ROR1: variants seen among roughly 807,000 people sequenced by gnomAD.
ROR1 encodes the protein inactive tyrosine-protein kinase transmembrane receptor ROR1.
A neutral mutation model predicts 78.8 loss-of-function variants in ROR1; 19 were observed. The ratio of observed to expected loss-of-function variants is 0.24; its 90% confidence interval spans 0.17 to 0.35. The LOEUF (loss-of-function observed/expected upper bound fraction) is 0.35, where lower values mean the gene tolerates loss of function less well. Among genes scored for constraint, ROR1 ranks in the 10% least tolerant of loss-of-function variants. ROR1 has a pLI of 1.00. For missense variants in ROR1, 917 were observed against 1,177.8 expected (o/e 0.78, Z 3.24); for synonymous variants, 386 against 433.6 (o/e 0.89, Z 1.36).
chr1:64,052,185 CTT>C (rs538059021), intron 4 of ROR1, among the ~76,000 whole-genome samples: 12 of 121,574 alleles, frequency 9.9e-5, no homozygotes, highest in South Asian at 2.7e-4. Flanking sequence ...TGCTAATCTG[CTT>C]TTTTTTTTTT....
chr1:63,812,806 G>A (rs551156013), intron 1 of ROR1, among the ~76,000 whole-genome samples: 3 of 152,180 alleles, frequency 2.0e-5, no homozygotes, highest in Admixed American at 6.5e-5. Flanking sequence ...AGTCCTCACC[G>A]CCACCCACTG....
intron 2 of ROR1, among the ~76,000 whole-genome samples, chr1:64,045,725 G>C (rs1646778303): frequency 1.3e-5 from 2 of 152,024 alleles, no homozygotes; most frequent in Non-Finnish European, 2.9e-5. Context: ...TTAGGTGTTA[G>C]GTATTACCAC....
chr1:64,138,512 A>G (rs898708448), intron 5 of ROR1, among the ~76,000 whole-genome samples: 1 of 151,792 alleles, frequency 6.6e-6, no homozygotes, highest in African/African-American at 2.4e-5. Flanking sequence ...ATGTGAAGGA[A>G]CTGAGAGGAG....
intron 1 of ROR1, among the ~76,000 whole-genome samples, chr1:63,814,882 G>C (rs1644880909): frequency 6.6e-6 from 1 of 152,204 alleles, no homozygotes; most frequent in Non-Finnish European, 1.5e-5. Flanking sequence ...TAAGGGACCA[G>C]GACAGTGGCC....
chr1:63,790,558 T>C (rs180869255), intron 1 of ROR1, among the ~76,000 whole-genome samples: 5 of 152,316 alleles, frequency 3.3e-5, no homozygotes, highest in African/African-American at 7.2e-5. Flanking sequence ...CTGCTCTTAA[T>C]TGGCAACCAA....
chr1:63,841,313 T>G (rs565034671), intron 1 of ROR1, among the ~76,000 whole-genome samples: 1 of 152,352 alleles, frequency 6.6e-6, no homozygotes, highest in East Asian at 1.9e-4. Context: ...TGTAAATTCC[T>G]TTAAGGAAGG....
chr1:63,827,734 A>C (rs765695775), intron 1 of ROR1, among the ~76,000 whole-genome samples: 11 of 152,174 alleles, frequency 7.2e-5, no homozygotes, highest in African/African-American at 2.7e-4. Context: ...TTCCGAGGGG[A>C]GAGCTGGTGC....
intron 4 of ROR1, among the ~76,000 whole-genome samples, chr1:64,081,819 AAC>A (rs1647104951): frequency 6.6e-6 from 1 of 151,792 alleles, no homozygotes; most frequent in Non-Finnish European, 1.5e-5. Context: ...CACATACACA[AAC>A]ACACATTTAT....
At position 64,178,052 on chromosome 1, in the gene ROR1, T is replaced by A. The variant is rs1650435969; in HGVS notation, c.2011T>A (p.Ser671Thr). The change falls in exon 9 of 9, where the codon TCT becomes ACT. Residue 671 changes from serine to threonine, a missense_variant. Ser to Thr is a moderately conservative substitution (Grantham distance 58, BLOSUM62 1). Around this residue, in one of 3 missense-constraint regions of ROR1, gnomAD observed 835 missense variants for 1,069.8 expected, o/e 0.78. Coordinates refer to ENST00000371079, the MANE Select transcript of ROR1 (RefSeq NM_005012.4). This position sits in a 1 kb window ranked among gnomAD's most constrained non-coding sequence, Gnocchi z 4.3. ...AGCCATCATGTATGGCAAATTCTCT[T>A]CTGATTCAGATATCTGGTCCTTTGG... is the stretch of plus-strand genomic sequence containing the variant. ...PEAIMYGKFS[S>T]DSDIWSFGVV... The A allele has an allele frequency of 6.2e-7, 1 of 1,614,190 alleles. No individual in the cohort carries two copies. Among genetic ancestry groups the A allele is most frequent in the Admixed American group, 1.7e-5 (1 of 60,032 alleles).
intron 1 of ROR1, among the ~76,000 whole-genome samples, chr1:63,874,722 G>A (rs764363958): frequency 3.3e-5 from 5 of 152,088 alleles, no homozygotes; most frequent in Non-Finnish European, 5.9e-5. Context: ...AGTGGTTAAG[G>A]CCCTCTTGAC....
intron 1 of ROR1, among the ~76,000 whole-genome samples, chr1:63,899,743 A>G (rs1645470440): frequency 6.6e-6 from 1 of 151,826 alleles, no homozygotes; most frequent in Non-Finnish European, 1.5e-5. Context: ...CTCTCTGTAT[A>G]GATTCCTCTT....
chr1:63,935,512 T>C (rs1055100032), intron 1 of ROR1, among the ~76,000 whole-genome samples: 1 of 152,092 alleles, frequency 6.6e-6, no homozygotes. Flanking sequence ...CCCAAAAAGT[T>C]ATTAAAACAC....
chr1:63,952,807 T>C (rs1055715553), intron 1 of ROR1, among the ~76,000 whole-genome samples: 1 of 152,016 alleles, frequency 6.6e-6, no homozygotes, highest in African/African-American at 2.4e-5. Flanking sequence ...ATGGAAGGGG[T>C]AGAGGATCTG....
chr1:63,939,527 A>G (rs564621091), intron 1 of ROR1, among the ~76,000 whole-genome samples: 1 of 152,316 alleles, frequency 6.6e-6, no homozygotes, highest in East Asian at 1.9e-4. Flanking sequence ...AGGCATATCA[A>G]AAACAATGTT....
intron 7 of ROR1, among the ~76,000 whole-genome samples, chr1:64,152,504 G>T (rs922729083): frequency 6.6e-6 from 1 of 152,156 alleles, no homozygotes; most frequent in Non-Finnish European, 1.5e-5. Flanking sequence ...GCATCATGCT[G>T]TTGCTGGGTT....
chr1:63,901,170 AG>A (rs1645482681), intron 1 of ROR1, among the ~76,000 whole-genome samples: 1 of 152,178 alleles, frequency 6.6e-6, no homozygotes, highest in Non-Finnish European at 1.5e-5. Flanking sequence ...GGTGTTTAAA[AG>A]ACTGACATGG....
chr1:64,037,691 G>A (rs1026020426), intron 2 of ROR1, among the ~76,000 whole-genome samples: 1 of 152,112 alleles, frequency 6.6e-6, no homozygotes, highest in Non-Finnish European at 1.5e-5. Flanking sequence ...TGTTAAACAC[G>A]CTACCATGTG....
rs139572971 is a variant in ROR1 at position 64,149,447 on chromosome 1, A to C, written c.1174+6797A>C. Among the ~76,000 whole-genome samples, 18 of 151,988 alleles carry C rather than the reference A, an allele frequency of 1.2e-4. No individual in the cohort carries two copies. The East Asian group carries it at 2.9e-3, about 25-fold the overall frequency. ...TGGGTCTTTGGGATGCTGCCCATTGATATTCTTATTTGCAGCTCCAGGGAT... is the reference window on the plus strand; with the variant it reads ...TGGGTCTTTGGGATGCTGCCCATTGCTATTCTTATTTGCAGCTCCAGGGAT... On this transcript the variant is annotated intron_variant, in intron 7 of 8. Coordinates refer to ENST00000371079, the MANE Select transcript of ROR1 (RefSeq NM_005012.4).
At chr1:64,075,252 ATAGAG>A (rs1647039595) in intron 4 of ROR1, among the ~76,000 whole-genome samples, 1 of 152,224 alleles carries the variant, frequency 6.6e-6, no homozygotes, top group African/African-American at 2.4e-5. Context: ...CATCTAGAGA[ATAGAG>A]TAAAAAAAAT....
Sources: allele counts gnomAD v4.1 joint callset (sites outside exome capture counted in the v4.1 genomes callset), GRCh38; gene constraint gnomAD v4.1.1; regional missense constraint gnomAD v4.1.1; non-coding constraint Gnocchi (gnomAD v3.1); transcripts MANE v1.5; gene names NCBI Gene and HGNC (gene_info 2026-07-23, HGNC 2026-07-21).